PLA2R1: variants seen among roughly 807,000 people sequenced by gnomAD.
The protein encoded by PLA2R1 is secretory phospholipase A2 receptor.
In PLA2R1, 158 loss-of-function variants were observed where a neutral mutation model predicts 195.9. The observed-to-expected ratio is 0.81, with a 90% CI of 0.71 to 0.92. The LOEUF (loss-of-function observed/expected upper bound fraction) is 0.92. Among genes scored for constraint, PLA2R1 ranks in the 40% least tolerant of loss-of-function variants. The pLI, the probability that PLA2R1 is intolerant of heterozygous loss-of-function variation, is 0.00. For synonymous variants in PLA2R1, 586 were observed against 598.2 expected (o/e 0.98, Z 0.30); for missense variants, 1,626 against 1,764.6 (o/e 0.92, Z 1.41).
rs1392341788 is a variant in PLA2R1 at position 159,936,487 on chromosome 2, T to C, written c.*5291A>G. 1 of 152,210 alleles carries C rather than the reference T, an allele frequency of 6.6e-6. No individual in the cohort carries two copies. Among genetic ancestry groups the C allele is most frequent in the Non-Finnish European group, 1.5e-5 (1 of 68,038 alleles). 9.4% of individuals were successfully genotyped at this position (152,210 alleles called of 1,614,324 possible). ...TAGTATTAAAAACTGCTAGTATAAA[T>C]CAAGGTTCAGCATCAATTCTGTTCT... On this transcript the variant is annotated 3_prime_UTR_variant, in exon 30 of 30. Coordinates refer to ENST00000283243, the MANE Select transcript of PLA2R1 (RefSeq NM_007366.5).
At position 160,051,273 on chromosome 2, in the gene PLA2R1, G is replaced by T. The variant is rs563038104; in HGVS notation, c.110-6116C>A. The stretch of plus-strand genomic sequence containing the variant: ...GGTTCACATCAAGTGCAATGCTTAA[G>T]ACAAGCTATTAGAAAGCCACAGCAT... On this transcript the variant is annotated intron_variant, in intron 1 of 29. Transcript: ENST00000283243. 9.2e-5 allele frequency among the ~76,000 whole-genome samples: 14 copies of T among 152,332 alleles called. 1 individual carries two copies. Among genetic ancestry groups the T allele is most frequent in the Admixed American group, 7.2e-4 (11 of 15,296 alleles).
chr2:159,990,554 C>A (rs1032399934), intron 11 of PLA2R1, among the ~76,000 whole-genome samples: 2 of 152,194 alleles, frequency 1.3e-5, no homozygotes, highest in African/African-American at 4.8e-5. Context: ...TGGTTCCCTG[C>A]AACAACCCTT....
chr2:160,043,346 A>G (rs957971006), intron 2 of PLA2R1, among the ~76,000 whole-genome samples: 1 of 152,176 alleles, frequency 6.6e-6, no homozygotes, highest in African/African-American at 2.4e-5. Context: ...CAAGTCGACC[A>G]TGCAGACGTG....
intron 2 of PLA2R1, among the ~76,000 whole-genome samples, chr2:160,043,118 T>C (rs540201517): frequency 6.6e-6 from 1 of 152,114 alleles, no homozygotes; most frequent in South Asian, 2.1e-4. Flanking sequence ...TACTAGAGTG[T>C]CAGTGCACAT....
In PLA2R1 at chr2:159,951,278, T is replaced by C. The variant is rs148434871; in HGVS notation, c.3540+62A>G. 344 of 864,008 alleles carry C rather than the reference T, an allele frequency of 4.0e-4. No homozygotes were observed. The African/African-American group carries it at 5.0e-3, about 12-fold the overall frequency. The allele number at this position is 864,008 out of a possible 1,614,324, so 53.5% of individuals were successfully genotyped here. A position where few individuals can be genotyped will look rare whatever the true frequency, so the allele number is the denominator to read the frequency against. On this transcript the variant is annotated intron_variant, in intron 24 of 29. Transcript: ENST00000283243. Reference sequence around the variant, plus strand: ...AGTGCTAATTTCAGTGGCCAGATCATGAAGGAGGTAGATGCTAAACTTAAT... The same window carrying C: ...AGTGCTAATTTCAGTGGCCAGATCACGAAGGAGGTAGATGCTAAACTTAAT...
the PLA2R1 span, among the ~76,000 whole-genome samples, chr2:159,924,568 G>T: frequency 3.9e-5 from 6 of 152,188 alleles, no homozygotes; most frequent in East Asian, 1.2e-3. Flanking sequence ...AGTCTTCAAA[G>T]ATTCATAAAA....
chr2:159,968,468 A>G (rs1574693930), intron 19 of PLA2R1, among the ~76,000 whole-genome samples: 1 of 152,326 alleles, frequency 6.6e-6, no homozygotes, highest in Middle Eastern at 3.4e-3. Flanking sequence ...CGCTCAAAAC[A>G]GTCCTTTCTG....
chr2:160,056,894 T>G (rs1284080323), intron 1 of PLA2R1, among the ~76,000 whole-genome samples: 1 of 152,148 alleles, frequency 6.6e-6, no homozygotes, highest in Non-Finnish European at 1.5e-5. Flanking sequence ...CCAACCAAAC[T>G]CTTCCTCATC....
intron 2 of PLA2R1, 141 bp from the exon 3 acceptor site, chr2:160,042,339 C>G: frequency 1.6e-6 from 1 of 622,848 alleles, no homozygotes; most frequent in Non-Finnish European, 2.8e-6. Context: ...CCCTCAGGTC[C>G]TCACTGTCTC....
rs1275430447 is a variant in PLA2R1, at chr2:159,937,397, T to C, written c.*4381A>G. ...ACACAAGAGCAGCAGATTTAGTTCA[T>C]TCAATTAATACAAAATGTTCATCAT... is the stretch of plus-strand genomic sequence containing the variant. On this transcript the variant is annotated 3_prime_UTR_variant, in exon 30 of 30. Transcript: ENST00000283243. 6.6e-6 allele frequency: 1 copy of C among 152,236 alleles called. No homozygotes were observed. Among genetic ancestry groups the C allele is most frequent in the Non-Finnish European group, 1.5e-5 (1 of 68,042 alleles). The allele number at this position is 152,236 out of a possible 1,614,324, so 9.4% of individuals were successfully genotyped here.
intron 3 of PLA2R1, among the ~76,000 whole-genome samples, chr2:160,040,235 G>C (rs1036456259): frequency 6.6e-6 from 1 of 151,904 alleles, no homozygotes; most frequent in African/African-American, 2.4e-5. Flanking sequence ...TTTCATTCTG[G>C]TTGGTGAATA....
chr2:159,945,822 G>A, intron 27 of PLA2R1: 8 of 974,858 alleles, frequency 8.2e-6, no homozygotes, highest in Non-Finnish European at 9.8e-6. Flanking sequence ...TAATAAAGTT[G>A]CCTCTTTATT....
intron 4 of PLA2R1, among the ~76,000 whole-genome samples, chr2:160,030,497 A>G (rs1382994626): frequency 6.6e-6 from 1 of 152,224 alleles, no homozygotes; most frequent in East Asian, 1.9e-4. Context: ...TTAAAACGTT[A>G]ATTATTCTTA....
intron 4 of PLA2R1, among the ~76,000 whole-genome samples, chr2:160,032,281 A>G (rs772247040): frequency 1.3e-5 from 2 of 152,222 alleles, no homozygotes; most frequent in Admixed American, 6.5e-5. Flanking sequence ...TTGGCATCAA[A>G]AACTGTTAAT....
intron 1 of PLA2R1, among the ~76,000 whole-genome samples, chr2:160,049,819 G>A (rs1024211683): frequency 3.9e-5 from 6 of 152,104 alleles, no homozygotes; most frequent in African/African-American, 7.2e-5. Flanking sequence ...GAGCGAGATT[G>A]TGTCTCAAAA....
chr2:160,052,980 T>A (rs554361685), intron 1 of PLA2R1, among the ~76,000 whole-genome samples: 1 of 152,218 alleles, frequency 6.6e-6, no homozygotes, highest in South Asian at 2.1e-4. Context: ...TGTTAGTCCC[T>A]GTATCGGTTT....
chr2:160,028,742 T>A (rs1317036037), intron 5 of PLA2R1, 108 bp downstream of exon 5: 7 of 686,312 alleles, frequency 1.0e-5, no homozygotes, highest in Non-Finnish European at 1.8e-5. Flanking sequence ...CTAAAAAATG[T>A]TTATACACTA....
intron 20 of PLA2R1, among the ~76,000 whole-genome samples, chr2:159,958,479 C>T (rs1688242841): frequency 6.6e-6 from 1 of 152,012 alleles, no homozygotes; most frequent in African/African-American, 2.4e-5. Context: ...CAATATCTTT[C>T]CCCATCATTC....
chr2:160,022,893 C>A, intron 6 of PLA2R1, 34 bp from the exon 7 acceptor site: 1 of 1,438,432 alleles, frequency 7.0e-7, no homozygotes, highest in Non-Finnish European at 9.5e-7. Flanking sequence ...TGTCATTTTC[C>A]ACAATTATTT....
Sources: gnomAD v4.1 joint callset for allele counts (sites outside exome capture counted in the v4.1 genomes callset) on GRCh38, gnomAD v4.1.1 for gene constraint, MANE v1.5 for transcripts, NCBI Gene and HGNC (gene_info 2026-07-23, HGNC 2026-07-21) for gene names.